Variants in ZCCHC14 observed in about 807,000 individuals in gnomAD.
ZCCHC14 encodes zinc finger CCHC-type containing 14, also known as zinc finger CCHC domain-containing protein 14.
Under a neutral mutation model 85.0 loss-of-function variants are expected in ZCCHC14, and 16 were observed. That is an observed-to-expected ratio of 0.19 (90% CI 0.13 to 0.29). The LOEUF (loss-of-function observed/expected upper bound fraction) is 0.29. Ranked by LOEUF, ZCCHC14 falls within the 10% of genes least tolerant of loss-of-function variation. The probability of loss-of-function intolerance (pLI) is 1.00; values close to 1 mark genes in which losing one functional copy is unlikely to be tolerated. For missense variants in ZCCHC14, 1,303 were observed against 1,443.5 expected, an observed-to-expected ratio of 0.90 and a Z score of 1.58; for synonymous variants, 775 against 630.7, an observed-to-expected ratio of 1.23 and a Z score of -3.43.
intron 2 of ZCCHC14, among the ~76,000 whole-genome samples, chr16:87,457,693 A>G (rs1231609360): frequency 6.6e-6 from 1 of 152,242 alleles, no homozygotes; most frequent in East Asian, 1.9e-4. Context: ...AGTAGGATAC[A>G]GAAAAGACAG....
intron 3 of ZCCHC14, among the ~76,000 whole-genome samples, chr16:87,431,119 C>G (rs1439154996): frequency 6.8e-6 from 1 of 148,086 alleles, no homozygotes; most frequent in Admixed American, 6.8e-5. Flanking sequence ...AGCCTGGTGA[C>G]AGAGCAAGAC....
intron 3 of ZCCHC14, among the ~76,000 whole-genome samples, chr16:87,428,929 A>G (rs1276815092): frequency 6.6e-6 from 1 of 152,138 alleles, no homozygotes; most frequent in Non-Finnish European, 1.5e-5. Flanking sequence ...TGGACATAAC[A>G]CCAGGGTTGG....
At chr16:87,483,554 A>C (rs1912383549) in intron 1 of ZCCHC14, among the ~76,000 whole-genome samples, 1 of 152,134 alleles carries the variant, frequency 6.6e-6, no homozygotes, top group Non-Finnish European at 1.5e-5. Context: ...AAAGGAGACA[A>C]ACAACTCACC....
At chr16:87,467,505 A>T in intron 1 of ZCCHC14, 1 of 1,606,580 alleles carries the variant, frequency 6.2e-7, no homozygotes, top group Non-Finnish European at 8.5e-7. Context: ...TGACATGAAT[A>T]CAGCATCCCT....
At chr16:87,411,302 A>C in intron 12 of ZCCHC14, 2 of 1,412,428 alleles carry the variant, frequency 1.4e-6, no homozygotes, top group Non-Finnish European at 1.9e-6. Context: ...TTCTAGAACC[A>C]GAGGCTGTCT....
intron 2 of ZCCHC14, among the ~76,000 whole-genome samples, chr16:87,457,347 G>A (rs1172230463): frequency 6.6e-6 from 1 of 152,184 alleles, no homozygotes; most frequent in Non-Finnish European, 1.5e-5. Context: ...CCAGCCACAG[G>A]GTTAAGAGCA....
chr16:87,435,192 T>G (rs562621690), intron 2 of ZCCHC14, among the ~76,000 whole-genome samples: 1 of 152,242 alleles, frequency 6.6e-6, no homozygotes, highest in South Asian at 2.1e-4. Context: ...AAGGACCTGC[T>G]CTGTGCACAC....
chr16:87,410,493 A>T (rs1244797525), intron 12 of ZCCHC14, among the ~76,000 whole-genome samples, 158 bp from the exon 13 acceptor site: 1 of 152,264 alleles, frequency 6.6e-6, no homozygotes. Context: ...CTGCCCCTGC[A>T]AAATGGGACC....
intron 1 of ZCCHC14, chr16:87,467,562 A>AT: frequency 6.4e-7 from 1 of 1,563,806 alleles, no homozygotes; most frequent in Non-Finnish European, 8.8e-7. Context: ...CATCCCACCA[A>AT]TTCCCGTTGG....
At chr16:87,480,171 A>G (rs1199034977) in intron 1 of ZCCHC14, among the ~76,000 whole-genome samples, 1 of 152,100 alleles carries the variant, frequency 6.6e-6, no homozygotes, top group Admixed American at 6.5e-5. Flanking sequence ...TGGGAGGCTG[A>G]GGCAGGCGGA....
Position 87,406,569 on chromosome 16 carries a change from A to G in ZCCHC14, c.*3711T>C, listed in dbSNP as rs1479660999. 1 of 152,498 alleles carries G rather than the reference A, an allele frequency of 6.6e-6. No individual in the cohort carries two copies. The highest frequency in any genetic ancestry group is 2.4e-5 in the African/African-American group (1 of 41,462). 9.4% of individuals were successfully genotyped at this position (152,498 alleles called of 1,614,324 possible). A position where few individuals can be genotyped will look rare whatever the true frequency, so the allele number is the denominator to read the frequency against. ...AAGGTATCGAGTACACAAGGTGTCC[A>G]GTTTCAGTACCAAAGCCTTCTCTTT... On this transcript the variant is annotated 3_prime_UTR_variant, in exon 13 of 13. Transcript: ENST00000671377.
chr16:87,435,743 C>T (rs944193282), intron 2 of ZCCHC14, among the ~76,000 whole-genome samples: 1 of 152,242 alleles, frequency 6.6e-6, no homozygotes, highest in African/African-American at 2.4e-5. Context: ...AGTCCACTCG[C>T]TTTAGAGTTC....
At chr16:87,476,973 A>C (rs1912035397) in intron 1 of ZCCHC14, among the ~76,000 whole-genome samples, 1 of 151,552 alleles carries the variant, frequency 6.6e-6, no homozygotes. Flanking sequence ...AAAAATACAA[A>C]AATTAGCCGG....
intron 2 of ZCCHC14, among the ~76,000 whole-genome samples, chr16:87,442,149 C>T (rs969692222): frequency 2.6e-5 from 4 of 152,202 alleles, no homozygotes; most frequent in Non-Finnish European, 5.9e-5. Context: ...GGGGGCTGCA[C>T]ATGGAAGAAT....
chr16:87,430,331 T>C (rs1444670546), intron 3 of ZCCHC14, among the ~76,000 whole-genome samples: 2 of 152,186 alleles, frequency 1.3e-5, no homozygotes, highest in African/African-American at 2.4e-5. Context: ...ATACCCGGCC[T>C]GTGCGTGTGA....
Position 87,414,546 on chromosome 16 carries a change from G to A in ZCCHC14, c.1476-5C>T. 6.2e-7 allele frequency: 1 copy of A among 1,609,186 alleles called. No homozygotes were observed. Among genetic ancestry groups the A allele is most frequent in the Non-Finnish European group, 8.5e-7 (1 of 1,177,310 alleles). On this transcript the variant is annotated splice_polypyrimidine_tract_variant and splice_region_variant and intron_variant, in intron 9 of 12. Coordinates refer to ENST00000671377, the MANE Select transcript of ZCCHC14 (RefSeq NM_015144.3). ...CACCGTCTCTCTGACTTCTCCCTGT[G>A]AAATAATCAAGCACAGGAACAAGTG... is the stretch of plus-strand genomic sequence containing the variant.
chr16:87,410,825 G>C (rs561206774), intron 12 of ZCCHC14, among the ~76,000 whole-genome samples: 2 of 152,340 alleles, frequency 1.3e-5, no homozygotes, highest in South Asian at 2.1e-4. Flanking sequence ...GATGTTACAG[G>C]CAGGTCTGAG....
chr16:87,452,800 A>AC (rs1910768587), intron 2 of ZCCHC14, among the ~76,000 whole-genome samples: 1 of 152,192 alleles, frequency 6.6e-6, no homozygotes, highest in African/African-American at 2.4e-5. Context: ...TCGTGACAGC[A>AC]GTTTCAGGGA....
chr16:87,443,473 C>A (rs1215757091), intron 2 of ZCCHC14, among the ~76,000 whole-genome samples: 1 of 152,194 alleles, frequency 6.6e-6, no homozygotes, highest in Non-Finnish European at 1.5e-5. Flanking sequence ...TGGGGGCTCA[C>A]ACCTGTAATC....
Sources: allele counts gnomAD v4.1 joint callset (sites outside exome capture counted in the v4.1 genomes callset), GRCh38; gene constraint gnomAD v4.1.1; transcripts MANE v1.5; gene names NCBI Gene and HGNC (gene_info 2026-07-23, HGNC 2026-07-21).